The following COP1 variants were observed in gnomAD, a reference collection of about 807,000 sequenced individuals.
The protein encoded by COP1 is COP1 E3 ubiquitin ligase.
A neutral mutation model predicts 101.3 loss-of-function variants in COP1; 24 were observed. The ratio of observed to expected loss-of-function variants is 0.24; its 90% CI spans 0.17 to 0.33. COP1 has a LOEUF of 0.33. Among genes scored for constraint, COP1 ranks in the 10% least tolerant of loss-of-function variants. COP1 has a pLI of 1.00. For missense variants in COP1, 663 were observed against 906.2 expected (o/e 0.73, Z 3.45); for synonymous variants, 347 against 341.9 (o/e 1.01, Z -0.17).
At position 176,065,331 on chromosome 1, in the gene COP1, A is replaced by G. The variant is rs534474884; in HGVS notation, c.1277+15821T>C. Among the ~76,000 whole-genome samples, 104 of 152,340 alleles carry G rather than the reference A, an allele frequency of 6.8e-4. 3 individuals are homozygous for G. Among genetic ancestry groups the G allele is most frequent in the African/African-American group, 2.4e-3 (101 of 41,574 alleles). On this transcript the variant is annotated intron_variant, in intron 11 of 19. Transcript: ENST00000367669. The stretch of plus-strand genomic sequence containing the variant: ...ACAAATGCTCTTACAGTAATGTCCT[A>G]TCTTACTAAGAAGTTTTAAATGTCT...
At chr1:176,024,417 G>A (rs1316240114) in intron 15 of COP1, among the ~76,000 whole-genome samples, 1 of 152,046 alleles carries the variant, frequency 6.6e-6, no homozygotes, top group Non-Finnish European at 1.5e-5. Context: ...CAAAAAAAAA[G>A]CATCTGACAA....
At chr1:176,164,857 G>A (rs146588966) in intron 3 of COP1, among the ~76,000 whole-genome samples, 1,554 of 151,936 alleles carry the variant, frequency 0.01, 22 homozygotes, top group Admixed American at 0.046. Flanking sequence ...TTTAAAAAGG[G>A]AAACTACCAC....
intron 15 of COP1, among the ~76,000 whole-genome samples, chr1:176,019,843 A>C (rs1018743200): frequency 3.3e-5 from 5 of 152,118 alleles, no homozygotes; most frequent in Admixed American, 6.5e-5. Flanking sequence ...CCTGGACCAC[A>C]GAGGGAGAAT....
At chr1:176,145,754 C>T (rs1257271676) in intron 6 of COP1, among the ~76,000 whole-genome samples, 3 of 150,324 alleles carry the variant, frequency 2.0e-5, no homozygotes, top group Admixed American at 6.6e-5. Flanking sequence ...ACTGCACAAG[C>T]ACACTTAAAT....
At chr1:176,064,109 A>G (rs527943958) in intron 11 of COP1, among the ~76,000 whole-genome samples, 45 of 152,188 alleles carry the variant, frequency 3.0e-4, no homozygotes, top group Non-Finnish European at 3.4e-4. Flanking sequence ...ATCTTTCAAA[A>G]CTAGGTAATG....
At chr1:176,019,881 G>A (rs1338869316) in intron 15 of COP1, among the ~76,000 whole-genome samples, 1 of 151,858 alleles carries the variant, frequency 6.6e-6, no homozygotes, top group Admixed American at 6.6e-5. Context: ...ATCACTAACG[G>A]CGTTACAGGA....
intron 11 of COP1, among the ~76,000 whole-genome samples, chr1:176,071,230 C>G (rs1035381133): frequency 6.6e-6 from 1 of 152,094 alleles, no homozygotes; most frequent in African/African-American, 2.4e-5. Flanking sequence ...CCCCCTCACT[C>G]TCTCTCACTT....
chr1:175,991,512 G>C (rs571047187), intron 15 of COP1, among the ~76,000 whole-genome samples: 1 of 152,172 alleles, frequency 6.6e-6, no homozygotes, highest in East Asian at 1.9e-4. Context: ...GTATACCTAG[G>C]CTACACTAAA....
intron 3 of COP1, among the ~76,000 whole-genome samples, chr1:176,171,140 A>T (rs1695995894): frequency 6.6e-6 from 1 of 151,240 alleles, no homozygotes; most frequent in Non-Finnish European, 1.5e-5. Flanking sequence ...AAAAAAAAAA[A>T]AAAAAAAAGT....
chr1:176,007,163 C>T (rs1227026384), intron 15 of COP1, among the ~76,000 whole-genome samples: 5 of 152,102 alleles, frequency 3.3e-5, no homozygotes, highest in African/African-American at 4.8e-5. Flanking sequence ...GCATTCTTCA[C>T]GTAGTTCTCG....
intron 15 of COP1, among the ~76,000 whole-genome samples, chr1:176,021,915 T>C (rs540729082): frequency 1.7e-4 from 26 of 152,354 alleles, no homozygotes; most frequent in Non-Finnish European, 3.1e-4. Flanking sequence ...ACAGATTCCA[T>C]CTTCTATATA....
chr1:175,999,209 G>A (rs1380997132), intron 15 of COP1, among the ~76,000 whole-genome samples: 1 of 151,994 alleles, frequency 6.6e-6, no homozygotes, highest in Non-Finnish European at 1.5e-5. Flanking sequence ...TACTCATTCT[G>A]TGTATTTTTT....
chr1:176,019,158 T>A (rs1666218428), intron 15 of COP1, among the ~76,000 whole-genome samples: 1 of 147,132 alleles, frequency 6.8e-6, no homozygotes, highest in Admixed American at 6.8e-5. Flanking sequence ...AGAGCGAGAA[T>A]AGACTTTTTA....
chr1:176,089,680 G>GT (rs905123052), intron 9 of COP1, among the ~76,000 whole-genome samples: 1 of 152,142 alleles, frequency 6.6e-6, no homozygotes, highest in South Asian at 2.1e-4. Flanking sequence ...TAAACTCTGA[G>GT]TTTTTTTCTT....
intron 18 of COP1, among the ~76,000 whole-genome samples, chr1:175,948,001 G>A (rs565759872): frequency 1.3e-5 from 2 of 152,244 alleles, no homozygotes; most frequent in African/African-American, 4.8e-5. Flanking sequence ...ATGGACATTT[G>A]GTATTAGGAA....
rs140532089 is a variant in COP1 at position 175,984,555 on chromosome 1, A to G, written c.2133+2388T>C. ...GTGGGAGCCCTCACACAGAGTCCCTACTGGGGCACCACCTATGGGGCTGTG... is the reference window on the plus strand; with the variant it reads ...GTGGGAGCCCTCACACAGAGTCCCTGCTGGGGCACCACCTATGGGGCTGTG... On this transcript the variant is annotated intron_variant, in intron 18 of 19. Coordinates refer to ENST00000367669, the MANE Select transcript of COP1 (RefSeq NM_022457.7). 6.2e-3 allele frequency among the ~76,000 whole-genome samples: 942 copies of G among 152,276 alleles called. 14 individuals are homozygous for G. Among genetic ancestry groups the G allele is most frequent in the African/African-American group, 0.021 (889 of 41,574 alleles).
rs142019415 is a variant in COP1 at position 176,192,792 on chromosome 1, C to T, written c.408-8100G>A. Among the ~76,000 whole-genome samples the T allele has an allele frequency of 2.6e-3, 398 of 152,202 alleles. 3 individuals are homozygous for T. Among genetic ancestry groups the T allele is most frequent in the African/African-American group, 9.1e-3 (380 of 41,534 alleles). On this transcript the variant is annotated intron_variant, in intron 1 of 19. Transcript: ENST00000367669. ...TGATACATTTCATTAGATAGTATCC[C>T]CATCCCATTATTCAGGGGTGAAAGA...
intron 15 of COP1, among the ~76,000 whole-genome samples, chr1:176,002,102 T>C (rs1334790833): frequency 6.6e-6 from 1 of 152,182 alleles, no homozygotes; most frequent in East Asian, 1.9e-4. Flanking sequence ...TTTATTGAGC[T>C]TTTTGGATGT....
chr1:176,182,776 C>T (rs990504193), intron 2 of COP1, among the ~76,000 whole-genome samples: 2 of 152,170 alleles, frequency 1.3e-5, no homozygotes, highest in African/African-American at 4.8e-5. Flanking sequence ...GAAGCAAGAC[C>T]CACATGTCCA....
Sources: allele counts gnomAD v4.1 joint callset (sites outside exome capture counted in the v4.1 genomes callset), GRCh38; gene constraint gnomAD v4.1.1; transcripts MANE v1.5; gene names NCBI Gene and HGNC (gene_info 2026-07-23, HGNC 2026-07-21).